The following EVC2 variants were observed in gnomAD, a reference collection of about 807,000 sequenced individuals.
EVC2 encodes the protein limbin.
EVC2 carries 148 observed loss-of-function variants against 149.3 expected under a neutral mutation model. That is an observed-to-expected ratio of 0.99 (90% CI 0.87 to 1.14). EVC2 has a LOEUF of 1.14. EVC2 is among the 50% of genes most tolerant of loss of function. The pLI is 0.00. For missense variants in EVC2, 1,854 were observed against 1,627.3 expected (o/e 1.14, Z -2.40); for synonymous variants, 776 against 649.9 (o/e 1.19, Z -2.95).
chr4:5,595,752 CA>C (rs1280831187), intron 16 of EVC2, among the ~76,000 whole-genome samples: 1 of 152,108 alleles, frequency 6.6e-6, no homozygotes, highest in Non-Finnish European at 1.5e-5. Context: ...CTAAATACTC[CA>C]ATTAAAAGAC....
At chr4:5,599,881 T>C (rs578078076) in intron 16 of EVC2, among the ~76,000 whole-genome samples, 61 of 152,298 alleles carry the variant, frequency 4.0e-4, no homozygotes, top group African/African-American at 1.5e-3. Flanking sequence ...AGGAGGAAAG[T>C]AGATTCACTG....
chr4:5,621,061 A>G (rs1352160876), intron 14 of EVC2, among the ~76,000 whole-genome samples: 1 of 152,228 alleles, frequency 6.6e-6, no homozygotes, highest in Non-Finnish European at 1.5e-5. Flanking sequence ...AGAATCACAG[A>G]AGAGAGAGAT....
In EVC2 at chr4:5,618,347, A is replaced by G. The variant is rs2108832868; in HGVS notation, c.2706+131T>C. On this transcript the variant is annotated intron_variant, in intron 15 of 21. Transcript: ENST00000344408. This position sits in a 1 kb window ranked among gnomAD's most constrained non-coding sequence, Gnocchi z 4.4. ...TCCTGGAATAGCTGGACACCAATGC[A>G]GCCAGAGAGGAGAGGATAGGGGAGC... 1 of 1,012,704 alleles carries G rather than the reference A, an allele frequency of 9.9e-7. No individual in the cohort carries two copies. The highest frequency in any genetic ancestry group is 1.5e-6 in the Non-Finnish European group (1 of 658,220). The allele number at this position is 1,012,704 out of a possible 1,614,324, so 62.7% of individuals were successfully genotyped here. A position where few individuals can be genotyped will look rare whatever the true frequency, so the allele number is the denominator to read the frequency against.
Position 5,562,662 on chromosome 4 carries a change from C to T in EVC2, c.*186G>A. On this transcript the variant is annotated 3_prime_UTR_variant, in exon 22 of 22. Transcript: ENST00000344408. This position sits in a 1 kb window ranked among gnomAD's most constrained non-coding sequence, Gnocchi z 4.3. ...TCCTTGTGATATGGAAGAGAGTGGG[C>T]CATCTGGAAATTCATGAGACAAGAT... 6.9e-7 allele frequency: 1 copy of T among 1,458,940 alleles called. No homozygotes were observed. Among genetic ancestry groups the T allele is most frequent in the Non-Finnish European group, 9.0e-7 (1 of 1,112,142 alleles). The allele number at this position is 1,458,940 out of a possible 1,614,324, so 90.4% of individuals were successfully genotyped here.
rs1252456558 is a variant in EVC2, at chr4:5,677,255, T to C, written c.870+4005A>G. Among the ~76,000 whole-genome samples the C allele has an allele frequency of 6.6e-6, 1 of 152,022 alleles. No individual in the cohort carries two copies. Among genetic ancestry groups the C allele is most frequent in the African/African-American group, 2.4e-5 (1 of 41,392 alleles). ...TTGGGGAAACTGAGGCCCTCAGAGG[T>C]AAGTGACGTGCCCAAGCTCACATGC... On this transcript the variant is annotated intron_variant, in intron 7 of 21. Coordinates refer to ENST00000344408, the MANE Select transcript of EVC2 (RefSeq NM_147127.5). The surrounding 1 kb of genome is among the most constrained non-coding windows in gnomAD (Gnocchi z 4.3).
At chr4:5,551,644 G>C (rs1203463980) in intron 21 of EVC2, among the ~76,000 whole-genome samples, 1 of 152,160 alleles carries the variant, frequency 6.6e-6, no homozygotes, top group Non-Finnish European at 1.5e-5. Context: ...TTTTGGGAAG[G>C]CATGATTGAT....
intron 21 of EVC2, among the ~76,000 whole-genome samples, chr4:5,547,559 T>C (rs1160414843): frequency 1.3e-5 from 2 of 152,100 alleles, no homozygotes; most frequent in African/African-American, 4.8e-5. Context: ...CTTCCTCCCC[T>C]CTGAAGCCCA....
chr4:5,588,599 C>T (rs928073826), intron 16 of EVC2, among the ~76,000 whole-genome samples: 38 of 152,068 alleles, frequency 2.5e-4, no homozygotes, highest in Admixed American at 2.4e-3. Flanking sequence ...GTTTCTATTG[C>T]TATATCTTCA....
At chr4:5,669,057 T>C (rs1719462736) in intron 7 of EVC2, among the ~76,000 whole-genome samples, 1 of 152,172 alleles carries the variant, frequency 6.6e-6, no homozygotes, top group Admixed American at 6.5e-5. Flanking sequence ...GATGCAGCTA[T>C]AAGCCAAGGA....
At chr4:5,600,536 T>C (rs1406666306) in intron 16 of EVC2, among the ~76,000 whole-genome samples, 1 of 151,922 alleles carries the variant, frequency 6.6e-6, no homozygotes, top group Non-Finnish European at 1.5e-5. Context: ...AGGCAGTGGG[T>C]AAATATGGGG....
intron 21 of EVC2, among the ~76,000 whole-genome samples, chr4:5,549,548 G>C (rs750015101): frequency 2.6e-5 from 4 of 152,266 alleles, no homozygotes; most frequent in Middle Eastern, 3.4e-3. Context: ...TAGTCTTTCT[G>C]ATCTTCACGA....
chr4:5,697,111 C>T (rs1721524256), intron 2 of EVC2, among the ~76,000 whole-genome samples: 2 of 152,316 alleles, frequency 1.3e-5, no homozygotes, highest in South Asian at 2.1e-4. Flanking sequence ...GGAACGCAGG[C>T]AATGCGGCCA....
chr4:5,542,026 G>C (rs1560114900), downstream of EVC2, among the ~76,000 whole-genome samples: 1 of 152,142 alleles, frequency 6.6e-6, no homozygotes, highest in Non-Finnish European at 1.5e-5. Context: ...CATCCCATAA[G>C]GATAGGGCCT....
At chr4:5,706,493 T>C (rs971112794) in intron 1 of EVC2, among the ~76,000 whole-genome samples, 1 of 143,426 alleles carries the variant, frequency 7.0e-6, no homozygotes. Context: ...ATTGAATGAA[T>C]GGATGGATAG....
rs1034674529 is a variant in EVC2 at position 5,677,535 on chromosome 4, G to A, written c.870+3725C>T. Among the ~76,000 whole-genome samples, 8 of 152,236 alleles carry A rather than the reference G, an allele frequency of 5.3e-5. No individual in the cohort carries two copies. Among genetic ancestry groups the A allele is most frequent in the African/African-American group, 1.9e-4 (8 of 41,468 alleles). ...GGCAACTATTCCTCTTTCTCCTGAAGGCAACATGCAGGTGACGGGAAGCCT... is the reference window on the plus strand; with the variant it reads ...GGCAACTATTCCTCTTTCTCCTGAAAGCAACATGCAGGTGACGGGAAGCCT... On this transcript the variant is annotated intron_variant, in intron 7 of 21. Transcript: ENST00000344408. The surrounding 1 kb of genome is among the most constrained non-coding windows in gnomAD (Gnocchi z 4.3).
chr4:5,694,392 T>C lies in EVC2; in HGVS notation c.393A>G (p.Ile131Met). Residue 131 changes from isoleucine (I) to methionine (M), a missense_variant, in exon 3 of 22, where the codon ATA becomes ATG. Physicochemically the swap from Ile to Met is conservative, Grantham distance 10 (BLOSUM62 1). Coordinates refer to ENST00000344408, the MANE Select transcript of EVC2 (RefSeq NM_147127.5). The part of the protein sequence containing the change: ...GPWAHSLFAF[I>M]PSWPKKNLFK... ...ATAAGTTCTTCTTAGGCCAGGAGGG[T>C]ATAAAAGCAAATAAGGAATGAGCCC... 6.2e-7 allele frequency: 1 copy of C among 1,614,072 alleles called. No homozygotes were observed. The highest frequency in any genetic ancestry group is 8.5e-7 in the Non-Finnish European group (1 of 1,180,002).
At chr4:5,642,436 G>C (rs1717398759) in intron 9 of EVC2, among the ~76,000 whole-genome samples, 1 of 152,004 alleles carries the variant, frequency 6.6e-6, no homozygotes, top group Non-Finnish European at 1.5e-5. Context: ...ACAACTAAAT[G>C]CTTCTTTATA....
chr4:5,654,024 G>A (rs1718329150), intron 9 of EVC2, among the ~76,000 whole-genome samples: 1 of 152,106 alleles, frequency 6.6e-6, no homozygotes, highest in Non-Finnish European at 1.5e-5. Context: ...CACCAGCCTG[G>A]CCAACATGGT....
intron 7 of EVC2, 70 bp from the exon 8 acceptor site, chr4:5,665,719 T>C (rs1193164906): frequency 1.8e-5 from 28 of 1,588,790 alleles, no homozygotes; most frequent in African/African-American, 6.7e-5. Context: ...TCACAGATGA[T>C]TGAGTGTCAG....
Sources: gnomAD v4.1 joint callset for allele counts (sites outside exome capture counted in the v4.1 genomes callset) on GRCh38, gnomAD v4.1.1 for gene constraint, Gnocchi (gnomAD v3.1) non-coding constraint, MANE v1.5 for transcripts, NCBI Gene and HGNC (gene_info 2026-07-23, HGNC 2026-07-21) for gene names.